Variants in ITFG1 observed in about 807,000 individuals in gnomAD.
The protein encoded by ITFG1 is T-cell immunomodulatory protein.
A neutral mutation model predicts 81.8 loss-of-function variants in ITFG1; 34 were observed. The ratio of observed to expected loss-of-function variants is 0.42; its 90% CI spans 0.32 to 0.55. The LOEUF (loss-of-function observed/expected upper bound fraction) is 0.55. ITFG1 is among the 20% of genes least tolerant of loss of function. ITFG1 has a pLI of 0.17. For synonymous variants in ITFG1, 285 were observed against 270.6 expected (o/e 1.05, Z -0.52); for missense variants, 672 against 755.4 (o/e 0.89, Z 1.29).
chr16:47,414,074 G>T (rs998591356), intron 6 of ITFG1, among the ~76,000 whole-genome samples: 1 of 151,762 alleles, frequency 6.6e-6, no homozygotes, highest in African/African-American at 2.4e-5. Context: ...ACCCACCTTG[G>T]CCTCCCAAAG....
intron 2 of ITFG1, among the ~76,000 whole-genome samples, chr16:47,456,708 A>T (rs940341977): frequency 1.3e-5 from 2 of 151,860 alleles, no homozygotes; most frequent in Admixed American, 6.6e-5. Flanking sequence ...AAAAAAAAAA[A>T]AAAAGTGGGT....
rs547508686 is a variant in ITFG1, at chr16:47,194,749, G to A, written c.1453+24119C>T. Among the ~76,000 whole-genome samples, 137 of 152,120 alleles carry A rather than the reference G, an allele frequency of 9.0e-4. No homozygotes were observed. In the Middle Eastern group the frequency reaches 0.01, roughly 11 times the overall value. On this transcript the variant is annotated intron_variant, in intron 14 of 17. Coordinates refer to ENST00000320640, the MANE Select transcript of ITFG1 (RefSeq NM_030790.5). ...CTTTATTTTAAGTTCCGGGATATAT[G>A]TGCAGAATGTGCAGGTTTGTTACAT... is the stretch of plus-strand genomic sequence containing the variant.
At chr16:47,357,657 G>A (rs1968058616) in intron 8 of ITFG1, among the ~76,000 whole-genome samples, 1 of 150,258 alleles carries the variant, frequency 6.7e-6, no homozygotes, top group Non-Finnish European at 1.5e-5. Context: ...GCACAGTATA[G>A]TCTTGAGAAT....
At chr16:47,460,794 G>A (rs1358877068) in intron 1 of ITFG1, 44 bp downstream of exon 1, 2 of 1,597,806 alleles carry the variant, frequency 1.3e-6, no homozygotes, top group African/African-American at 1.3e-5. Flanking sequence ...CACCGGGAGA[G>A]GCACACGGAC....
chr16:47,456,693 A>T (rs1190797929), intron 2 of ITFG1, among the ~76,000 whole-genome samples: 2 of 135,194 alleles, frequency 1.5e-5, no homozygotes, highest in East Asian at 2.1e-4. Flanking sequence ...CTCTGTCTCT[A>T]AAAAAAAAAA....
chr16:47,340,404 T>C (rs1408901828), intron 8 of ITFG1, among the ~76,000 whole-genome samples: 1 of 152,082 alleles, frequency 6.6e-6, no homozygotes, highest in Non-Finnish European at 1.5e-5. Flanking sequence ...TAAACAGGAA[T>C]AAAAGAGCTA....
chr16:47,382,613 C>T lies in ITFG1; in HGVS notation c.656-6673G>A, dbSNP rs967835367. 3.0e-5 allele frequency among the ~76,000 whole-genome samples: 4 copies of T among 133,452 alleles called. No homozygotes were observed. In the East Asian group the frequency reaches 7.1e-4, roughly 24 times the overall value. 87.5% of individuals were successfully genotyped at this position (133,452 alleles called of 152,430 possible). A position where few individuals can be genotyped will look rare whatever the true frequency, so the allele number is the denominator to read the frequency against. The stretch of plus-strand genomic sequence containing the variant: ...TGGTAACAATGAACACATTCCTACC[C>T]TGTCTTCCGTCGTCAGTGAAATCAT... On this transcript the variant is annotated intron_variant, in intron 6 of 17. Coordinates refer to ENST00000320640, the MANE Select transcript of ITFG1 (RefSeq NM_030790.5).
chr16:47,214,921 A>AACACACAC (rs57114470), intron 14 of ITFG1, among the ~76,000 whole-genome samples: 43 of 145,142 alleles, frequency 3.0e-4, no homozygotes, highest in Non-Finnish European at 3.5e-4. Context: ...CCAGTGTGAA[A>AACACACAC]ACACACACAC....
At chr16:47,448,175 T>C (rs1969345611) in intron 5 of ITFG1, 1 of 152,208 alleles carries the variant, frequency 6.6e-6, no homozygotes, top group African/African-American at 2.4e-5. Context: ...TAGATTTAAG[T>C]GATACAATGT....
At chr16:47,409,374 CTATATATATATATATATATA>C (rs1187875461) in intron 6 of ITFG1, among the ~76,000 whole-genome samples, 30 of 20,986 alleles carry the variant, frequency 1.4e-3, no homozygotes, top group Middle Eastern at 0.038. Flanking sequence ...TACACACACA[CTATATATATATATATATATA>C]TATATATATA....
rs376968628 is a variant in ITFG1 at position 47,375,964 on chromosome 16, G to A, written c.656-24C>T. 4.1e-6 allele frequency: 6 copies of A among 1,465,984 alleles called. No individual in the cohort carries two copies. In the African/African-American group the frequency reaches 4.2e-5, roughly 10 times the overall value. 90.8% of individuals were successfully genotyped at this position (1,465,984 alleles called of 1,614,324 possible). ...ATCTAGAAGGAAAAATAATAAAAAC[G>A]TAAAGTTTTGTAGTCTTACTGATGT... On this transcript the variant is annotated intron_variant, in intron 6 of 17. Coordinates refer to ENST00000320640, the MANE Select transcript of ITFG1 (RefSeq NM_030790.5).
chr16:47,344,828 T>C (rs1344487330), intron 8 of ITFG1, among the ~76,000 whole-genome samples: 2 of 152,182 alleles, frequency 1.3e-5, no homozygotes, highest in Non-Finnish European at 2.9e-5. Flanking sequence ...GATGTTGTCT[T>C]TCTGTGCCTG....
chr16:47,234,810 A>G (rs938699635), intron 13 of ITFG1, among the ~76,000 whole-genome samples: 3 of 152,174 alleles, frequency 2.0e-5, no homozygotes, highest in Non-Finnish European at 2.9e-5. Flanking sequence ...TGTAATCCCC[A>G]TAATCCCCAC....
At chr16:47,205,748 T>A (rs1395885366) in intron 14 of ITFG1, among the ~76,000 whole-genome samples, 1 of 152,160 alleles carries the variant, frequency 6.6e-6, no homozygotes, top group Non-Finnish European at 1.5e-5. Context: ...TCCACTCCGA[T>A]CGTATCATCA....
chr16:47,252,743 A>G (rs1160944666), intron 12 of ITFG1, among the ~76,000 whole-genome samples: 5 of 152,234 alleles, frequency 3.3e-5, no homozygotes, highest in Admixed American at 6.5e-5. Flanking sequence ...ACTGAAAAAC[A>G]GTGGCATTTA....
At chr16:47,370,949 G>C (rs1968245882) in intron 7 of ITFG1, among the ~76,000 whole-genome samples, 1 of 152,228 alleles carries the variant, frequency 6.6e-6, no homozygotes, top group Non-Finnish European at 1.5e-5. Flanking sequence ...GTCAACTGCA[G>C]TGCTATGGAA....
At chr16:47,425,876 T>A (rs914730320) in intron 6 of ITFG1, 1 of 152,084 alleles carries the variant, frequency 6.6e-6, no homozygotes, top group African/African-American at 2.4e-5. Flanking sequence ...CAGGAGTGAG[T>A]CACTGCACCT....
chr16:47,381,010 T>G (rs1444901392), intron 6 of ITFG1, among the ~76,000 whole-genome samples: 4 of 152,204 alleles, frequency 2.6e-5, no homozygotes. Flanking sequence ...TAGACAAGTG[T>G]GTACAAAAAC....
intron 8 of ITFG1, among the ~76,000 whole-genome samples, chr16:47,321,990 T>C (rs952109445): frequency 1.3e-5 from 2 of 152,154 alleles, no homozygotes; most frequent in African/African-American, 4.8e-5. Flanking sequence ...ATATTAATTT[T>C]TAAATGGCAT....
Sources: allele counts gnomAD v4.1 joint callset (sites outside exome capture counted in the v4.1 genomes callset), GRCh38; gene constraint gnomAD v4.1.1; transcripts MANE v1.5; gene names NCBI Gene and HGNC (gene_info 2026-07-23, HGNC 2026-07-21).